KDM3A: variants seen among roughly 807,000 people sequenced by gnomAD.
KDM3A encodes lysine demethylase 3A.
In KDM3A, 60 loss-of-function variants were observed where a neutral mutation model predicts 158.0. That is an observed-to-expected ratio of 0.38 (90% CI 0.31 to 0.47). The LOEUF (loss-of-function observed/expected upper bound fraction) is 0.47, where lower values mean the gene tolerates loss of function less well. KDM3A is among the 20% of genes least tolerant of loss of function. KDM3A has a pLI of 0.99. For synonymous variants in KDM3A, 608 were observed against 549.3 expected, an observed-to-expected ratio of 1.11 and a Z score of -1.49; for missense variants, 1,319 against 1,574.3, an observed-to-expected ratio of 0.84 and a Z score of 2.74.
At chr2:86,449,403 T>C (rs993167512) in intron 2 of KDM3A, among the ~76,000 whole-genome samples, 1 of 152,242 alleles carries the variant, frequency 6.6e-6, no homozygotes, top group African/African-American at 2.4e-5. Context: ...CCCACTTATA[T>C]TGTCAATAGA....
At chr2:86,466,274 A>G in intron 9 of KDM3A, 98 bp from the exon 10 acceptor site, 1 of 1,265,852 alleles carries the variant, frequency 7.9e-7, no homozygotes, top group Non-Finnish European at 1.1e-6. Context: ...TTTTTCTTTC[A>G]TACTCGTTAC....
chr2:86,459,407 T>C (rs969911979), intron 8 of KDM3A, among the ~76,000 whole-genome samples: 5 of 152,124 alleles, frequency 3.3e-5, no homozygotes, highest in African/African-American at 4.8e-5. Context: ...GTAGTAAATA[T>C]CAGTTTGGAG....
At chr2:86,467,017 A>C in intron 10 of KDM3A, 134 bp downstream of exon 10, 1 of 751,142 alleles carries the variant, frequency 1.3e-6, no homozygotes. Flanking sequence ...AGTTGAAAGA[A>C]GGTATAATTC....
In KDM3A at chr2:86,464,150, C is replaced by G. The variant is rs1673038024; in HGVS notation, c.941C>G (p.Pro314Arg). ...CTAATPPSKD[P>R]RQQSTPQAAN... ...GCGGCAACTCCACCTAGTAAGGACCCAAGACAGCAAAGTACTCCCCAGGCT... is the reference window on the plus strand; with the variant it reads ...GCGGCAACTCCACCTAGTAAGGACCGAAGACAGCAAAGTACTCCCCAGGCT... The change falls in exon 9 of 26, where the codon CCA becomes CGA. Residue 314 changes from proline (P) to arginine (R), a missense_variant. This residue lies in a region of KDM3A where 652 missense variants were observed against 627.2 expected (regional missense o/e 1.04). Transcript: ENST00000312912. 1 of 1,612,640 alleles carries G rather than the reference C, an allele frequency of 6.2e-7. No homozygotes were observed. Among genetic ancestry groups the G allele is most frequent in the Non-Finnish European group, 8.5e-7 (1 of 1,179,110 alleles).
At position 86,491,086 on chromosome 2, in the gene KDM3A, C is replaced by T. The variant is rs202241591; in HGVS notation, c.3750+29C>T. Reference sequence around the variant, plus strand: ...AGAATCATTACTTTTTCTTTAATCTCTTTATGTCATGAACTTTTGGGTTTG... The same window carrying T: ...AGAATCATTACTTTTTCTTTAATCTTTTTATGTCATGAACTTTTGGGTTTG... On this transcript the variant is annotated intron_variant, in intron 24 of 25. Transcript: ENST00000312912. 1.9e-3 allele frequency: 3,045 copies of T among 1,613,134 alleles called. 2 individuals are homozygous for T. Among genetic ancestry groups the T allele is most frequent in the Non-Finnish European group, 2.4e-3 (2,834 of 1,179,516 alleles).
Position 86,484,007 on chromosome 2 carries a change from G to A in KDM3A, c.2943G>A (p.Val981=). The A allele has an allele frequency of 1.2e-5, 19 of 1,613,532 alleles. No homozygotes were observed. The highest frequency in any genetic ancestry group is 1.6e-5 in the Non-Finnish European group (19 of 1,179,660). Residue 981 remains valine, a synonymous_variant, in exon 19 of 26, where the codon GTG becomes GTA. Transcript: ENST00000312912. ...TTTAGCCAGTGATGGTGTCTGGAGT[G>A]CATCATAAATTGAACTCTGAACTTT... is the stretch of plus-strand genomic sequence containing the variant. ...KQGQPVMVSG[V]HHKLNSELWK...
chr2:86,447,073 A>G (rs1436018621), intron 2 of KDM3A, among the ~76,000 whole-genome samples: 2 of 152,182 alleles, frequency 1.3e-5, no homozygotes, highest in Non-Finnish European at 2.9e-5. Context: ...TGGCCTCCCA[A>G]AGTGCCGGGA....
chr2:86,482,773 C>T, intron 18 of KDM3A, 79 bp downstream of exon 18: 1 of 1,286,530 alleles, frequency 7.8e-7, no homozygotes, highest in Non-Finnish European at 1.1e-6. Context: ...ACAACCCCAC[C>T]CCAGGCTTTC....
At chr2:86,479,999 C>A (rs1673844099) in intron 15 of KDM3A, 168 bp from the exon 16 acceptor site, 2 of 611,816 alleles carry the variant, frequency 3.3e-6, no homozygotes, top group South Asian at 2.0e-5. Flanking sequence ...TAGTTATTCT[C>A]TACTAGTGCG....
upstream of KDM3A, chr2:86,441,011 C>T (rs1573127663): frequency 6.6e-6 from 1 of 152,488 alleles, no homozygotes; most frequent in Non-Finnish European, 1.5e-5. Flanking sequence ...ATCTATGCGC[C>T]ACAGCAATTT....
chr2:86,456,991 G>T lies in KDM3A; in HGVS notation c.763G>T (p.Ala255Ser). ...ATTTTTAAATATTTTAGGTAATTCT[G>T]CAAGAATTGGAGCTGTAAAACGCAA... ...HDNLVTCGNS[A>S]RIGAVKRKSS... Residue 255 changes from alanine to serine, a missense_variant, in exon 8 of 26, where the codon GCA becomes TCA. Physicochemically the swap from Ala to Ser is moderately conservative, Grantham distance 99. This residue lies in a region of KDM3A where 652 missense variants were observed against 627.2 expected (regional missense o/e 1.04). Transcript: ENST00000312912. The T allele has an allele frequency of 6.3e-7, 1 of 1,599,224 alleles. No individual in the cohort carries two copies. The highest frequency in any genetic ancestry group is 1.3e-5 in the African/African-American group (1 of 74,444).
Position 86,492,314 on chromosome 2 carries a change from T to G in KDM3A, c.*195T>G, listed in dbSNP as rs1331610707. ...ATATGTAGTAACTATTTACAGAACA[T>G]GCATCCTTAAACTGTGACTTCTCAC... On this transcript the variant is annotated 3_prime_UTR_variant, in exon 26 of 26. Coordinates refer to ENST00000312912, the MANE Select transcript of KDM3A (RefSeq NM_018433.6). 1 of 510,308 alleles carries G rather than the reference T, an allele frequency of 2.0e-6. No homozygotes were observed. Among genetic ancestry groups the G allele is most frequent in the African/African-American group, 1.9e-5 (1 of 51,766 alleles). The allele number at this position is 510,308 out of a possible 1,614,324, so 31.6% of individuals were successfully genotyped here.
At chr2:86,472,805 T>G (rs943341706) in intron 11 of KDM3A, among the ~76,000 whole-genome samples, 2 of 152,218 alleles carry the variant, frequency 1.3e-5, no homozygotes, top group Admixed American at 6.5e-5. Flanking sequence ...CCTCTGCAAG[T>G]TCTTCCTGAT....
chr2:86,447,680 A>C (rs1436948603), intron 2 of KDM3A, among the ~76,000 whole-genome samples: 1 of 152,154 alleles, frequency 6.6e-6, no homozygotes, highest in Non-Finnish European at 1.5e-5. Flanking sequence ...ACATTGAGAG[A>C]ACTTAGATTT....
intron 4 of KDM3A, among the ~76,000 whole-genome samples, chr2:86,453,427 T>G (rs1672553577): frequency 6.6e-6 from 1 of 152,174 alleles, no homozygotes; most frequent in South Asian, 2.1e-4. Flanking sequence ...ATTTGGCATG[T>G]GGAAAAATTG....
At chr2:86,491,591 G>C (rs1193880649) in intron 25 of KDM3A, 1 of 383,542 alleles carries the variant, frequency 2.6e-6, no homozygotes, top group Non-Finnish European at 4.8e-6. Flanking sequence ...TGAACACAGT[G>C]CTTAACCTTC....
intron 8 of KDM3A, among the ~76,000 whole-genome samples, chr2:86,462,820 C>T (rs982592453): frequency 1.3e-5 from 2 of 152,162 alleles, no homozygotes; most frequent in Non-Finnish European, 2.9e-5. Flanking sequence ...TGGCCAGGCA[C>T]AGTGGCTCAT....
rs746573689 is a variant in KDM3A, at chr2:86,466,743, A to G, written c.1379A>G (p.Asn460Ser). The G allele has an allele frequency of 5.6e-6, 9 of 1,613,798 alleles. No homozygotes were observed. Among genetic ancestry groups the G allele is most frequent in the African/African-American group, 1.3e-5 (1 of 74,918 alleles). Reference sequence around the variant, plus strand: ...GCACCAGAAGTGAAAGCAGGTGTCAATAGTGATAGCCCTAATAACTGTTCA... The same window carrying G: ...GCACCAGAAGTGAAAGCAGGTGTCAGTAGTGATAGCCCTAATAACTGTTCA... Reference protein sequence around the residue: ...SNAPEVKAGVNSDSPNNCSGK... With the variant: ...SNAPEVKAGVSSDSPNNCSGK... The change falls in exon 10 of 26, where the codon AAT (asparagine) becomes AGT (serine). Residue 460 changes from asparagine to serine, a missense_variant. By Grantham distance (46) the Asn-to-Ser change is conservative. This residue lies in a region of KDM3A where 652 missense variants were observed against 627.2 expected (regional missense o/e 1.04). Coordinates refer to ENST00000312912, the MANE Select transcript of KDM3A (RefSeq NM_018433.6).
At chr2:86,468,700 T>C (rs1229429044) in intron 10 of KDM3A, among the ~76,000 whole-genome samples, 1 of 152,182 alleles carries the variant, frequency 6.6e-6, no homozygotes, top group African/African-American at 2.4e-5. Context: ...TGGAAAACTT[T>C]TCTGCTCCTT....
Sources: gnomAD v4.1 joint callset for allele counts (sites outside exome capture counted in the v4.1 genomes callset) on GRCh38, gnomAD v4.1.1 for gene constraint, gnomAD v4.1.1 regional missense constraint, MANE v1.5 for transcripts, NCBI Gene and HGNC (gene_info 2026-07-23, HGNC 2026-07-21) for gene names.